GRIK1: variants seen among roughly 807,000 people sequenced by gnomAD.
GRIK1 encodes the protein glutamate receptor ionotropic, kainate 1.
In GRIK1, 69 loss-of-function variants were observed where a neutral mutation model predicts 105.7. The observed-to-expected ratio is 0.65, with a 90% confidence interval of 0.54 to 0.80. GRIK1 has a LOEUF of 0.80. Ranked by LOEUF, GRIK1 falls within the 30% of genes least tolerant of loss-of-function variation. The pLI is 0.00. For synonymous variants in GRIK1, 438 were observed against 431.3 expected, an observed-to-expected ratio of 1.02 and a Z score of -0.19; for missense variants, 1,109 against 1,167.3, an observed-to-expected ratio of 0.95 and a Z score of 0.73.
intron 1 of GRIK1, among the ~76,000 whole-genome samples, chr21:29,846,559 G>C (rs941352703): frequency 6.6e-6 from 1 of 152,106 alleles, no homozygotes; most frequent in African/African-American, 2.4e-5. Context: ...CTGTTGAGCT[G>C]TTCTGAGATG....
Position 29,710,933 on chromosome 21 carries a change from T to G in GRIK1, c.119-16870A>C, listed in dbSNP as rs1337695220. On this transcript the variant is annotated intron_variant, in intron 1 of 17. Coordinates refer to ENST00000327783, the MANE Select transcript of GRIK1 (RefSeq NM_001330994.2). ...CCAGCAGTTTTATCTGCTTTAAAAT[T>G]TAAAGAGTAACCCATTCTTGGATTG... 4.6e-5 allele frequency among the ~76,000 whole-genome samples: 7 copies of G among 151,792 alleles called. No homozygotes were observed. In the East Asian group the frequency reaches 1.4e-3, roughly 29 times the overall value.
At chr21:29,692,445 T>C (rs1168611693) in intron 2 of GRIK1, among the ~76,000 whole-genome samples, 1 of 152,204 alleles carries the variant, frequency 6.6e-6, no homozygotes, top group African/African-American at 2.4e-5. Context: ...GCTGTATAAG[T>C]ATATAGTTTT....
At chr21:29,694,954 TTTTTTTTCTTTCTTTTC>T (rs747391199) in intron 1 of GRIK1, among the ~76,000 whole-genome samples, 8 of 152,004 alleles carry the variant, frequency 5.3e-5, no homozygotes, top group East Asian at 1.9e-4. Context: ...AAAGAACTGG[TTTTTTTTCTTTCTTTTC>T]TTTTTTTCTT....
At chr21:29,652,139 A>G (rs969390784) in intron 5 of GRIK1, among the ~76,000 whole-genome samples, 2 of 152,090 alleles carry the variant, frequency 1.3e-5, no homozygotes, top group African/African-American at 2.4e-5. Flanking sequence ...AAGAATATTT[A>G]TTTCCATTTG....
At chr21:29,589,635 C>G (rs1354409100) in intron 10 of GRIK1, among the ~76,000 whole-genome samples, 1 of 151,886 alleles carries the variant, frequency 6.6e-6, no homozygotes, top group East Asian at 1.9e-4. Flanking sequence ...CCATGTTGGT[C>G]CAGGATGGTC....
chr21:29,899,682 T>A (rs1348964900), intron 1 of GRIK1, among the ~76,000 whole-genome samples: 1 of 152,086 alleles, frequency 6.6e-6, no homozygotes, highest in African/African-American at 2.4e-5. Context: ...TATAGAGATG[T>A]CATTTTCAGG....
chr21:29,837,591 T>C (rs1459453863), intron 1 of GRIK1, among the ~76,000 whole-genome samples: 1 of 152,216 alleles, frequency 6.6e-6, no homozygotes. Flanking sequence ...AATTTTCCTA[T>C]AGAAGACTAC....
intron 1 of GRIK1, among the ~76,000 whole-genome samples, chr21:29,739,349 A>G (rs1178688297): frequency 6.6e-6 from 1 of 152,192 alleles, no homozygotes; most frequent in Non-Finnish European, 1.5e-5. Flanking sequence ...AGTTCCCATA[A>G]CCAGTGGTTC....
intron 7 of GRIK1, among the ~76,000 whole-genome samples, chr21:29,603,741 C>G (rs1409625976): frequency 6.6e-6 from 1 of 152,150 alleles, no homozygotes; most frequent in Non-Finnish European, 1.5e-5. Context: ...CAATATCTGT[C>G]TGAGAGCTGA....
intron 1 of GRIK1, among the ~76,000 whole-genome samples, chr21:29,723,988 T>C (rs569144424): frequency 1.3e-5 from 2 of 152,354 alleles, no homozygotes; most frequent in East Asian, 3.9e-4. Flanking sequence ...TGAACCAATG[T>C]AATCAACAAG....
intron 3 of GRIK1, among the ~76,000 whole-genome samples, chr21:29,673,910 T>C (rs777491867): frequency 1.3e-5 from 2 of 152,206 alleles, no homozygotes; most frequent in African/African-American, 2.4e-5. Context: ...GTGGATGTAC[T>C]GATCTGCACT....
At chr21:29,827,691 T>C (rs898352072) in intron 1 of GRIK1, among the ~76,000 whole-genome samples, 3 of 152,090 alleles carry the variant, frequency 2.0e-5, no homozygotes, top group Non-Finnish European at 4.4e-5. Context: ...AAAAAATGTG[T>C]CTGGTAGAAA....
intron 16 of GRIK1, among the ~76,000 whole-genome samples, chr21:29,540,795 A>G (rs1190569529): frequency 1.3e-4 from 20 of 152,142 alleles, no homozygotes; most frequent in Non-Finnish European, 2.9e-4. Flanking sequence ...AGTATCAAAC[A>G]TAATGGCATT....
chr21:29,767,238 G>A (rs908491167), intron 1 of GRIK1, among the ~76,000 whole-genome samples: 2 of 152,208 alleles, frequency 1.3e-5, no homozygotes, highest in South Asian at 2.1e-4. Context: ...GGGACAATGT[G>A]TGTGTTTTAA....
chr21:29,664,666 A>G (rs986219799), intron 4 of GRIK1, among the ~76,000 whole-genome samples: 2 of 152,184 alleles, frequency 1.3e-5, no homozygotes, highest in Admixed American at 1.3e-4. Flanking sequence ...TGAAAGTTAC[A>G]TTTCATAGGA....
At chr21:29,763,592 G>A (rs1228821356) in intron 1 of GRIK1, 1 of 152,356 alleles carries the variant, frequency 6.6e-6, no homozygotes, top group Non-Finnish European at 1.5e-5. Flanking sequence ...TCAGAGCCAG[G>A]AGGGTGGCTG....
At chr21:29,838,948 T>C (rs1339586982) in intron 1 of GRIK1, among the ~76,000 whole-genome samples, 3 of 152,122 alleles carry the variant, frequency 2.0e-5, no homozygotes, top group South Asian at 4.1e-4. Flanking sequence ...GTGGACAAGA[T>C]GGAAAAAAAA....
At chr21:29,863,770 C>T (rs778076682) in intron 1 of GRIK1, among the ~76,000 whole-genome samples, 12 of 152,004 alleles carry the variant, frequency 7.9e-5, no homozygotes, top group African/African-American at 2.2e-4. Context: ...TATGTTTTTG[C>T]GCAGCCCTGT....
At chr21:29,680,068 G>A (rs750581768) in intron 3 of GRIK1, among the ~76,000 whole-genome samples, 2 of 152,120 alleles carry the variant, frequency 1.3e-5, no homozygotes, top group African/African-American at 2.4e-5. Context: ...AGTTTCTTAG[G>A]TCATTGAGTT....
Sources: gnomAD v4.1 joint callset for allele counts (sites outside exome capture counted in the v4.1 genomes callset) on GRCh38, gnomAD v4.1.1 for gene constraint, MANE v1.5 for transcripts, NCBI Gene and HGNC (gene_info 2026-07-23, HGNC 2026-07-21) for gene names.